RALYL: variants seen among roughly 807,000 people sequenced by gnomAD.
RALYL encodes the protein RALY RNA binding protein like.
Under a neutral mutation model 35.1 loss-of-function variants are expected in RALYL, and 29 were observed. The ratio of observed to expected loss-of-function variants is 0.83; its 90% CI spans 0.61 to 1.13. RALYL has a LOEUF of 1.13. Among genes scored for constraint, RALYL ranks in the 50% most tolerant of loss-of-function variants. The probability of loss-of-function intolerance (pLI) is 0.00; values close to 1 mark genes in which losing one functional copy is unlikely to be tolerated. For synonymous variants in RALYL, 120 were observed against 127.6 expected (o/e 0.94, Z 0.40); for missense variants, 359 against 360.4 (o/e 1.00, Z 0.03).
intron 1 of RALYL, among the ~76,000 whole-genome samples, chr8:84,452,715 T>G (rs1431634853): frequency 6.6e-6 from 1 of 151,984 alleles, no homozygotes; most frequent in Non-Finnish European, 1.5e-5. Flanking sequence ...TCAGTGAACA[T>G]TGTTGTATTT....
chr8:84,407,016 CTCTATA>C (rs1464914288), intron 1 of RALYL, among the ~76,000 whole-genome samples: 11 of 142,496 alleles, frequency 7.7e-5, no homozygotes, highest in African/African-American at 3.1e-4. Flanking sequence ...CTCTCTCTCT[CTCTATA>C]TATATATATA....
chr8:84,790,288 G>A (rs1445297554), intron 3 of RALYL, among the ~76,000 whole-genome samples: 1 of 152,230 alleles, frequency 6.6e-6, no homozygotes, highest in Admixed American at 6.5e-5. Context: ...AACCAAATTG[G>A]TGGCAAGAGA....
intron 3 of RALYL, among the ~76,000 whole-genome samples, chr8:84,777,338 C>A (rs766599927): frequency 6.6e-6 from 1 of 152,110 alleles, no homozygotes; most frequent in African/African-American, 2.4e-5. Context: ...AACCAATCAT[C>A]AATACTATTA....
intron 2 of RALYL, among the ~76,000 whole-genome samples, chr8:84,666,108 G>T (rs1831978128): frequency 6.6e-6 from 1 of 151,984 alleles, no homozygotes; most frequent in Non-Finnish European, 1.5e-5. Context: ...GTAAAACAAA[G>T]ATAACAGCTC....
chr8:84,761,307 G>A (rs920427215), intron 2 of RALYL, among the ~76,000 whole-genome samples: 3 of 151,018 alleles, frequency 2.0e-5, no homozygotes, highest in Non-Finnish European at 4.4e-5. Flanking sequence ...TTAATTTTCA[G>A]AAAAATATAA....
chr8:84,224,121 G>A (rs952697414), intron 1 of RALYL, among the ~76,000 whole-genome samples: 2 of 152,146 alleles, frequency 1.3e-5, no homozygotes, highest in African/African-American at 4.8e-5. Context: ...CGTTGGCACT[G>A]TGCTTACTGT....
chr8:84,213,356 A>G (rs2131197592), intron 1 of RALYL, among the ~76,000 whole-genome samples: 1 of 152,316 alleles, frequency 6.6e-6, no homozygotes. Flanking sequence ...CCTCAACGCC[A>G]TTGCACTCCA....
chr8:84,683,591 G>T (rs1308815794), intron 2 of RALYL, among the ~76,000 whole-genome samples: 1 of 152,114 alleles, frequency 6.6e-6, no homozygotes, highest in Non-Finnish European at 1.5e-5. Flanking sequence ...GATTTGCATG[G>T]TTAGCACAAC....
At chr8:84,790,351 A>T (rs984389778) in intron 3 of RALYL, among the ~76,000 whole-genome samples, 3 of 152,226 alleles carry the variant, frequency 2.0e-5, no homozygotes, top group Admixed American at 6.5e-5. Flanking sequence ...GGGTCTATGT[A>T]GGAACAATGG....
chr8:84,193,208 G>A (rs958525733), intron 1 of RALYL, among the ~76,000 whole-genome samples: 60 of 152,196 alleles, frequency 3.9e-4, no homozygotes, highest in Admixed American at 2.6e-3. Context: ...ATTACTCATC[G>A]AAGTAATATT....
chr8:84,732,927 C>T (rs1414208044), intron 2 of RALYL, among the ~76,000 whole-genome samples: 2 of 151,764 alleles, frequency 1.3e-5, no homozygotes, highest in Non-Finnish European at 1.5e-5. Context: ...GAACTCCTGA[C>T]CTCCAGTGAC....
chr8:84,311,415 A>G (rs1006446226), intron 1 of RALYL, among the ~76,000 whole-genome samples: 2 of 152,144 alleles, frequency 1.3e-5, no homozygotes, highest in Admixed American at 6.5e-5. Flanking sequence ...TATAAACAAA[A>G]TAATTCAGCA....
chr8:84,280,863 A>T (rs1836405481), intron 1 of RALYL, among the ~76,000 whole-genome samples: 1 of 152,054 alleles, frequency 6.6e-6, no homozygotes, highest in African/African-American at 2.4e-5. Context: ...TTTGGGTAGG[A>T]GATAATATTT....
rs2042900531 is a variant in RALYL, at chr8:84,401,566, A to T, written c.-23-127733A>T. Among the ~76,000 whole-genome samples the T allele has an allele frequency of 2.3e-5, 3 of 129,856 alleles. No homozygotes were observed. In the South Asian group the frequency reaches 7.9e-4, roughly 34 times the overall value. The allele number at this position is 129,856 out of a possible 152,430, so 85.2% of individuals were successfully genotyped here. ...GGCAGGAGAATGGCATGAACCCGGG[A>T]GGCGGAGCTTGCAGTGAGCCCAGAT... On this transcript the variant is annotated intron_variant, in intron 1 of 8. Transcript: ENST00000521268.
At chr8:84,215,736 A>G (rs1193655633) in intron 1 of RALYL, among the ~76,000 whole-genome samples, 1 of 152,120 alleles carries the variant, frequency 6.6e-6, no homozygotes, top group Non-Finnish European at 1.5e-5. Flanking sequence ...GGCTTTAGTG[A>G]TTTCTGGGTC....
intron 1 of RALYL, among the ~76,000 whole-genome samples, chr8:84,279,362 C>A (rs890898906): frequency 6.6e-6 from 1 of 152,076 alleles, no homozygotes; most frequent in Non-Finnish European, 1.5e-5. Context: ...CTGCAGCCAA[C>A]AAGATAGGTA....
intron 4 of RALYL, among the ~76,000 whole-genome samples, chr8:84,840,559 G>T (rs1269348044): frequency 6.6e-6 from 1 of 152,210 alleles, no homozygotes; most frequent in Admixed American, 6.5e-5. Context: ...TATTATCCAG[G>T]AGAACTTCCC....
In RALYL at chr8:84,184,056, T is replaced by C. The variant is rs2130780522; in HGVS notation, c.-392T>C. The C allele has an allele frequency of 6.6e-6, 1 of 152,380 alleles. No individual in the cohort carries two copies. The highest frequency in any genetic ancestry group is 2.1e-4 in the South Asian group (1 of 4,832). The allele number at this position is 152,380 out of a possible 1,614,324, so 9.4% of individuals were successfully genotyped here. On this transcript the variant is annotated 5_prime_UTR_variant, in exon 1 of 9. Transcript: ENST00000521268. ...AAAGACATTAATTTTATATTTTTTGTGCCCTTTTTGGAAGCCGGTGAAAAC... is the reference window on the plus strand; with the variant it reads ...AAAGACATTAATTTTATATTTTTTGCGCCCTTTTTGGAAGCCGGTGAAAAC...
intron 2 of RALYL, among the ~76,000 whole-genome samples, chr8:84,733,768 G>C (rs1257305118): frequency 1.3e-5 from 2 of 152,126 alleles, no homozygotes; most frequent in Non-Finnish European, 2.9e-5. Flanking sequence ...CTTTTGCACT[G>C]TGACTGGGAC....
Sources: allele counts gnomAD v4.1 joint callset (sites outside exome capture counted in the v4.1 genomes callset), GRCh38; gene constraint gnomAD v4.1.1; transcripts MANE v1.5; gene names NCBI Gene and HGNC (gene_info 2026-07-23, HGNC 2026-07-21).